BCO1: variants seen among roughly 807,000 people sequenced by gnomAD.
BCO1 encodes the protein beta,beta-carotene 15,15'-dioxygenase.
Under a neutral mutation model 56.3 loss-of-function variants are expected in BCO1, and 54 were observed. The observed-to-expected ratio is 0.96, with a 90% confidence interval of 0.77 to 1.20. The LOEUF (loss-of-function observed/expected upper bound fraction) is 1.20. BCO1 is among the 50% of genes most tolerant of loss of function. BCO1 has a pLI of 0.00. For missense variants in BCO1, 801 were observed against 690.9 expected, an observed-to-expected ratio of 1.16 and a Z score of -1.79; for synonymous variants, 318 against 266.1, an observed-to-expected ratio of 1.20 and a Z score of -1.90.
rs546853709 is a variant in BCO1, at chr16:81,281,437, C to G, written c.1207+475C>G. Among the ~76,000 whole-genome samples, 39 of 152,210 alleles carry G rather than the reference C, an allele frequency of 2.6e-4. 2 individuals carry two copies. In the Middle Eastern group the frequency reaches 0.014, roughly 53 times the overall value. On this transcript the variant is annotated intron_variant, in intron 8 of 10. Coordinates refer to ENST00000258168, the MANE Select transcript of BCO1 (RefSeq NM_017429.3). ...CTCCAGCCTGGGCAACAGAGCAAGACACTGTCTCACAAAAATAAAAATAAA... is the reference window on the plus strand; with the variant it reads ...CTCCAGCCTGGGCAACAGAGCAAGAGACTGTCTCACAAAAATAAAAATAAA...
At chr16:81,239,092 C>A in intron 1 of BCO1, 120 bp downstream of exon 1, 1 of 794,730 alleles carries the variant, frequency 1.3e-6, no homozygotes, top group Non-Finnish European at 2.0e-6. Flanking sequence ...TCTCGGCCCA[C>A]TGCAACCTCT....
At chr16:81,275,889 G>A (rs1907525631) in intron 7 of BCO1, among the ~76,000 whole-genome samples, 1 of 152,178 alleles carries the variant, frequency 6.6e-6, no homozygotes, top group Non-Finnish European at 1.5e-5. Context: ...CGGTGTGGGG[G>A]TGCCTGAGGC....
chr16:81,267,984 C>T lies in BCO1; in HGVS notation c.696C>T (p.Ser232=), dbSNP rs775962662. The T allele has an allele frequency of 8.7e-6, 14 of 1,614,012 alleles. No individual in the cohort carries two copies. The South Asian group carries it at 1.5e-4, about 18-fold the overall frequency. Residue 232 remains serine, a synonymous_variant, in exon 6 of 11, where the codon TCC becomes TCT. Coordinates refer to ENST00000258168, the MANE Select transcript of BCO1 (RefSeq NM_017429.3). ...CCATCCCATCCCGCTCCCTGCTCTCCCCAAGCTACTACCACAGCTTTGGAG... is the reference window on the plus strand; with the variant it reads ...CCATCCCATCCCGCTCCCTGCTCTCTCCAAGCTACTACCACAGCTTTGGAG... ...FCSIPSRSLL[S]PSYYHSFGVT... is the part of the protein sequence containing the mutation.
rs765789441 is a variant in BCO1 at position 81,280,946 on chromosome 16, G to A, written c.1191G>A (p.Pro397=). The A allele has an allele frequency of 5.6e-6, 9 of 1,613,562 alleles. No individual in the cohort carries two copies. Among genetic ancestry groups the A allele is most frequent in the Admixed American group, 1.7e-5 (1 of 60,006 alleles). ...AAGATGGCCAAGTCTACTGCCAGCCGGAATTTCTTTATGAAGGTAAAATGC... is the reference window on the plus strand; with the variant it reads ...AAGATGGCCAAGTCTACTGCCAGCCAGAATTTCTTTATGAAGGTAAAATGC... ...KEEDGQVYCQ[P]EFLYEGLELP... Residue 397 remains proline (P), a synonymous_variant, in exon 8 of 11, where the codon CCG becomes CCA. Coordinates refer to ENST00000258168, the MANE Select transcript of BCO1 (RefSeq NM_017429.3).
chr16:81,277,746 T>A (rs1461501746), intron 7 of BCO1, among the ~76,000 whole-genome samples: 1 of 152,206 alleles, frequency 6.6e-6, no homozygotes, highest in African/African-American at 2.4e-5. Context: ...TGCAAGATGG[T>A]GCTGGATTCT....
chr16:81,259,372 T>C (rs1434608659), intron 2 of BCO1, among the ~76,000 whole-genome samples: 4 of 152,110 alleles, frequency 2.6e-5, no homozygotes, highest in African/African-American at 9.7e-5. Flanking sequence ...CGCATGCCTA[T>C]AATCCTAGCC....
In BCO1 at chr16:81,270,102, CCA is replaced by C. The variant is rs942611889; in HGVS notation, c.844-54_844-53del. ...CTGGGTTTTGTTCAGCCCCCAGATG[CCA>C]CAGTGCCAGGCTGAGAGAGGGTGAG... is the stretch of plus-strand genomic sequence containing the variant. On this transcript the variant is annotated intron_variant, in intron 6 of 10. Coordinates refer to ENST00000258168, the MANE Select transcript of BCO1 (RefSeq NM_017429.3). 1.2e-5 allele frequency: 20 copies of C among 1,609,322 alleles called. No individual in the cohort carries two copies. In the African/African-American group the frequency reaches 2.4e-4, roughly 19 times the overall value.
At chr16:81,258,872 G>A (rs907195314) in intron 2 of BCO1, among the ~76,000 whole-genome samples, 4 of 152,168 alleles carry the variant, frequency 2.6e-5, no homozygotes, top group South Asian at 2.1e-4. Flanking sequence ...GGTTTCTGGC[G>A]AGGGCCTCAA....
Position 81,279,254 on chromosome 16 carries a change from G to A in BCO1, c.1102-1603G>A, listed in dbSNP as rs533380649. Reference sequence around the variant, plus strand: ...TCATCACACTACTGTACTCCAGCCTGGGCGACAGAGCAAGACCCTGTCCCA... The same window carrying A: ...TCATCACACTACTGTACTCCAGCCTAGGCGACAGAGCAAGACCCTGTCCCA... On this transcript the variant is annotated intron_variant, in intron 7 of 10. Transcript: ENST00000258168. 4.6e-5 allele frequency among the ~76,000 whole-genome samples: 7 copies of A among 152,278 alleles called. 1 individual carries two copies. Among genetic ancestry groups the A allele is most frequent in the African/African-American group, 1.7e-4 (7 of 41,562 alleles).
Position 81,290,403 on chromosome 16 carries a change from C to T in BCO1, c.1470C>T (p.Leu490=). The T allele has an allele frequency of 6.2e-7, 1 of 1,614,204 alleles. No homozygotes were observed. Among genetic ancestry groups the T allele is most frequent in the Non-Finnish European group, 8.5e-7 (1 of 1,180,048 alleles). The change falls in exon 11 of 11, where the codon CTC becomes CTT. Residue 490 remains leucine, a synonymous_variant. Transcript: ENST00000258168. ...ATCCCCAAAAGCTGCCTTTTCTGCT[C>T]ATTCTGGATGCCAAAAGCTTTACGG... The part of the protein sequence containing the change: ...STDPQKLPFL[L]ILDAKSFTEL...
chr16:81,263,114 T>TA (rs1906599988), intron 4 of BCO1: 2 of 150,840 alleles, frequency 1.3e-5, no homozygotes. Context: ...CTGCCTTTTT[T>TA]TTTTTTTTTT....
chr16:81,282,374 C>G (rs1907930286), intron 8 of BCO1, among the ~76,000 whole-genome samples: 1 of 152,010 alleles, frequency 6.6e-6, no homozygotes, highest in Non-Finnish European at 1.5e-5. Context: ...GAGACTTTGC[C>G]TCAAAACAAA....
intron 8 of BCO1, among the ~76,000 whole-genome samples, chr16:81,282,670 T>C (rs1477357178): frequency 2.0e-5 from 3 of 148,532 alleles, no homozygotes; most frequent in African/African-American, 7.4e-5. Flanking sequence ...ACCCACCACA[T>C]CCCTTTTTTT....
At chr16:81,242,008 C>A (rs1459718481) in intron 1 of BCO1, among the ~76,000 whole-genome samples, 7 of 152,008 alleles carry the variant, frequency 4.6e-5, no homozygotes, top group African/African-American at 1.7e-4. Context: ...TGGTTTAATC[C>A]ACCTAGAACA....
chr16:81,239,304 A>G (rs561547590), intron 1 of BCO1, among the ~76,000 whole-genome samples: 4 of 152,260 alleles, frequency 2.6e-5, no homozygotes, highest in African/African-American at 9.6e-5. Context: ...GGGGTGAGCC[A>G]CTGCACCTGG....
At chr16:81,242,956 T>C (rs1905205526) in intron 1 of BCO1, among the ~76,000 whole-genome samples, 1 of 152,014 alleles carries the variant, frequency 6.6e-6, no homozygotes, top group African/African-American at 2.4e-5. Flanking sequence ...AACCCCACCA[T>C]CCATGGAAAA....
chr16:81,261,067 C>T (rs898623329), intron 3 of BCO1, among the ~76,000 whole-genome samples: 2 of 152,174 alleles, frequency 1.3e-5, no homozygotes, highest in African/African-American at 4.8e-5. Flanking sequence ...GCACTGAATT[C>T]ACATTTGCAA....
intron 7 of BCO1, 75 bp downstream of exon 7, chr16:81,270,491 T>G: frequency 6.3e-7 from 1 of 1,590,350 alleles, no homozygotes; most frequent in Non-Finnish European, 8.6e-7. Context: ...TTGGCCCTTA[T>G]TTGATTGACA....
chr16:81,267,903 G>C lies in BCO1; in HGVS notation c.620-5G>C, dbSNP rs1906928107. The C allele has an allele frequency of 1.9e-6, 3 of 1,613,450 alleles. No homozygotes were observed. Among genetic ancestry groups the C allele is most frequent in the Non-Finnish European group, 8.5e-7 (1 of 1,179,826 alleles). ...ATTCCTGAGGCTTGCTTTTTGTCTT[G>C]CTAGAGGGCAAGAAGCAGGGGAAGA... On this transcript the variant is annotated splice_polypyrimidine_tract_variant and splice_region_variant and intron_variant, in intron 5 of 10. Coordinates refer to ENST00000258168, the MANE Select transcript of BCO1 (RefSeq NM_017429.3).
Sources: allele counts gnomAD v4.1 joint callset (sites outside exome capture counted in the v4.1 genomes callset), GRCh38; gene constraint gnomAD v4.1.1; transcripts MANE v1.5; gene names NCBI Gene and HGNC (gene_info 2026-07-23, HGNC 2026-07-21).